GLIS1: variants seen among roughly 807,000 people sequenced by gnomAD.
The protein encoded by GLIS1 is zinc finger protein GLIS1.
Under a neutral mutation model 63.8 loss-of-function variants are expected in GLIS1, and 24 were observed. That is an observed-to-expected ratio of 0.38 (90% CI 0.27 to 0.53). The LOEUF (loss-of-function observed/expected upper bound fraction) is 0.53. Among genes scored for constraint, GLIS1 ranks in the 20% least tolerant of loss-of-function variants. The probability of loss-of-function intolerance (pLI) is 0.85; values close to 1 mark genes in which losing one functional copy is unlikely to be tolerated. For missense variants in GLIS1, 1,036 were observed against 1,074.1 expected (o/e 0.96, Z 0.50); for synonymous variants, 450 against 482.5 (o/e 0.93, Z 0.88).
intron 2 of GLIS1, among the ~76,000 whole-genome samples, chr1:53,635,381 G>A (rs528816335): frequency 6.6e-5 from 10 of 151,886 alleles, no homozygotes; most frequent in South Asian, 4.2e-4. Flanking sequence ...AAAACATAAC[G>A]GAAATTTAAA....
At chr1:53,673,143 T>C (rs1369523663) in intron 2 of GLIS1, among the ~76,000 whole-genome samples, 1 of 152,156 alleles carries the variant, frequency 6.6e-6, no homozygotes, top group Admixed American at 6.5e-5. Context: ...CCCCCTTCAT[T>C]TCCCGAGCCC....
chr1:53,737,795 G>A lies in GLIS1; in HGVS notation c.259+11C>T. On this transcript the variant is annotated intron_variant, in intron 2 of 10. Coordinates refer to ENST00000628545, the MANE Select transcript of GLIS1 (RefSeq NM_001367484.1). ...AGGAGCCGCCAGGCACGTTGGCAGG[G>A]CCGAACTCACCCTTCCCGGCGGCGG... The A allele has an allele frequency of 6.5e-6, 8 of 1,231,024 alleles. No homozygotes were observed. Among genetic ancestry groups the A allele is most frequent in the Non-Finnish European group, 8.1e-6 (8 of 987,434 alleles). 76.3% of individuals were successfully genotyped at this position (1,231,024 alleles called of 1,614,324 possible).
chr1:53,547,379 G>T (rs1644714140), intron 4 of GLIS1, among the ~76,000 whole-genome samples: 1 of 152,210 alleles, frequency 6.6e-6, no homozygotes, highest in African/African-American at 2.4e-5. Context: ...TGCTCAATGG[G>T]GCTGAAGGTG....
chr1:53,601,206 C>A (rs549118881), intron 2 of GLIS1, among the ~76,000 whole-genome samples: 4 of 152,164 alleles, frequency 2.6e-5, no homozygotes, highest in South Asian at 2.1e-4. Context: ...CAAATCCCTG[C>A]GCAGGCCAGA....
intron 4 of GLIS1, among the ~76,000 whole-genome samples, chr1:53,569,486 T>TTA (rs1553124732): frequency 1.9e-4 from 29 of 151,600 alleles, no homozygotes; most frequent in Admixed American, 4.6e-4. Context: ...TTTTTTTTTT[T>TTA]AAAAAAGCCT....
At chr1:53,602,643 G>A (rs1645330028) in intron 2 of GLIS1, among the ~76,000 whole-genome samples, 1 of 152,212 alleles carries the variant, frequency 6.6e-6, no homozygotes, top group Non-Finnish European at 1.5e-5. Flanking sequence ...GTCCATCCCT[G>A]TGGGGCAGGG....
At chr1:53,658,768 G>A (rs540372152) in intron 2 of GLIS1, among the ~76,000 whole-genome samples, 12 of 152,324 alleles carry the variant, frequency 7.9e-5, no homozygotes, top group Non-Finnish European at 1.8e-4. Context: ...ACAGCAGGAG[G>A]TAGGGGTGTA....
At chr1:53,603,506 C>T (rs943972666) in intron 2 of GLIS1, among the ~76,000 whole-genome samples, 4 of 152,354 alleles carry the variant, frequency 2.6e-5, no homozygotes, top group South Asian at 4.1e-4. Context: ...GGACTCTCAT[C>T]GCTACCCATC....
intron 4 of GLIS1, among the ~76,000 whole-genome samples, chr1:53,592,886 A>G (rs1645206707): frequency 6.6e-6 from 1 of 152,242 alleles, no homozygotes; most frequent in Non-Finnish European, 1.5e-5. Flanking sequence ...TCCGACGCCC[A>G]GCTCCCAGCT....
intron 2 of GLIS1, among the ~76,000 whole-genome samples, chr1:53,674,632 CAG>C (rs1254941044): frequency 6.6e-6 from 1 of 152,112 alleles, no homozygotes; most frequent in African/African-American, 2.4e-5. Context: ...CAGAGAAGAG[CAG>C]ACACAGCCCA....
intron 6 of GLIS1, among the ~76,000 whole-genome samples, chr1:53,523,570 T>C (rs1283340228): frequency 3.3e-5 from 5 of 152,170 alleles, no homozygotes; most frequent in Admixed American, 6.5e-5. Context: ...CCAGTGTCCC[T>C]GAGTTGGCCC....
chr1:53,718,274 C>T (rs536750010), intron 2 of GLIS1, among the ~76,000 whole-genome samples: 6 of 152,230 alleles, frequency 3.9e-5, no homozygotes, highest in East Asian at 1.9e-4. Flanking sequence ...TTTGAAGAGA[C>T]GCCTCGGGAG....
chr1:53,507,000 A>G lies in GLIS1; in HGVS notation c.2231-224T>C, dbSNP rs150300591. On this transcript the variant is annotated intron_variant, in intron 10 of 10. Transcript: ENST00000628545. ...TGGGCCTGGCACACCCAGGGGGCCC[A>G]GGGCAGCTGGGGAGACAGGCACGGG... 1.0e-2 allele frequency among the ~76,000 whole-genome samples: 1,520 copies of G among 152,154 alleles called. 12 individuals are homozygous for G. The highest frequency in any genetic ancestry group is 0.016 in the Non-Finnish European group (1,056 of 67,978).
intron 8 of GLIS1, among the ~76,000 whole-genome samples, chr1:53,514,126 G>A (rs929370132): frequency 1.3e-5 from 2 of 152,248 alleles, no homozygotes; most frequent in Non-Finnish European, 2.9e-5. Flanking sequence ...CAGTGATCCT[G>A]AAGTAAAGGC....
At chr1:53,612,821 T>A (rs1330122023) in intron 2 of GLIS1, among the ~76,000 whole-genome samples, 3 of 1,110 alleles carry the variant, frequency 2.7e-3, no homozygotes, top group Non-Finnish European at 0.038. Context: ...CTTTGATGCC[T>A]TTTTTTTTTT....
chr1:53,626,116 C>T (rs566620787), intron 2 of GLIS1, among the ~76,000 whole-genome samples: 390 of 152,310 alleles, frequency 2.6e-3, no homozygotes, highest in African/African-American at 9.1e-3. Flanking sequence ...GAATGGCAAA[C>T]GAGGGCAGGG....
intron 2 of GLIS1, among the ~76,000 whole-genome samples, chr1:53,603,482 C>T (rs1645339050): frequency 6.6e-6 from 1 of 152,226 alleles, no homozygotes; most frequent in Non-Finnish European, 1.5e-5. Flanking sequence ...GCTGCTGTCA[C>T]TGGAAAGATG....
chr1:53,587,916 C>G (rs973283995), intron 4 of GLIS1, among the ~76,000 whole-genome samples: 2 of 152,180 alleles, frequency 1.3e-5, no homozygotes. Context: ...GGGGTCATGG[C>G]TAGTACACAG....
chr1:53,598,796 A>G lies in GLIS1; in HGVS notation c.437+1305T>C, dbSNP rs1320385. On this transcript the variant is annotated intron_variant, in intron 3 of 10. Transcript: ENST00000628545. This position sits in a 1 kb window ranked among gnomAD's most constrained non-coding sequence, Gnocchi z 4.6. ...TCAGAAGTTTTACTAATATCAAAGGAAGCCAGAAGGAATCTAAATTCTCAA... is the reference window on the plus strand; with the variant it reads ...TCAGAAGTTTTACTAATATCAAAGGGAGCCAGAAGGAATCTAAATTCTCAA... Among the ~76,000 whole-genome samples the G allele has an allele frequency of 0.8, 122,479 of 152,182 alleles. 54,082 individuals carry two copies. Among genetic ancestry groups the G allele is most frequent in the Non-Finnish European group, 0.99 (67,185 of 68,018 alleles).
Sources: gnomAD v4.1 joint callset for allele counts (sites outside exome capture counted in the v4.1 genomes callset) on GRCh38, gnomAD v4.1.1 for gene constraint, Gnocchi (gnomAD v3.1) non-coding constraint, MANE v1.5 for transcripts, NCBI Gene and HGNC (gene_info 2026-07-23, HGNC 2026-07-21) for gene names.